SLC8A3: variants seen among roughly 807,000 people sequenced by gnomAD.
SLC8A3 encodes the protein sodium/calcium exchanger 3.
In SLC8A3, 37 loss-of-function variants were observed where a neutral mutation model predicts 65.4. The ratio of observed to expected loss-of-function variants is 0.57; its 90% confidence interval spans 0.44 to 0.74. SLC8A3 has a LOEUF of 0.74. SLC8A3 is among the 30% of genes least tolerant of loss of function. The pLI is 0.00. For missense variants in SLC8A3, 1,112 were observed against 1,172.1 expected, an observed-to-expected ratio of 0.95 and a Z score of 0.75; for synonymous variants, 461 against 444.5, an observed-to-expected ratio of 1.04 and a Z score of -0.47.
chr14:70,174,898 G>T (rs141102075), intron 1 of SLC8A3, among the ~76,000 whole-genome samples: 1 of 152,132 alleles, frequency 6.6e-6, no homozygotes, highest in African/African-American at 2.4e-5. Flanking sequence ...GCCTCAACCC[G>T]TGTGGGCAGT....
At chr14:70,159,826 C>T (rs1206363500) in intron 2 of SLC8A3, among the ~76,000 whole-genome samples, 3 of 152,170 alleles carry the variant, frequency 2.0e-5, no homozygotes, top group African/African-American at 7.2e-5. Flanking sequence ...GAGACCCATT[C>T]ATTTTTGAAG....
At chr14:70,095,108 T>C (rs1892079542) in intron 2 of SLC8A3, among the ~76,000 whole-genome samples, 2 of 152,236 alleles carry the variant, frequency 1.3e-5, no homozygotes, top group South Asian at 4.1e-4. Context: ...TACAAGGGCT[T>C]GTCACGTGGT....
intron 2 of SLC8A3, among the ~76,000 whole-genome samples, chr14:70,140,938 A>G (rs1447927298): frequency 6.6e-6 from 1 of 152,226 alleles, no homozygotes. Context: ...ACTTCTCTGG[A>G]TGCTTTATAG....
intron 2 of SLC8A3, among the ~76,000 whole-genome samples, chr14:70,161,393 C>G (rs971581005): frequency 1.3e-5 from 2 of 150,576 alleles, no homozygotes; most frequent in African/African-American, 4.9e-5. Flanking sequence ...ACTGGAAATG[C>G]CTCACTGTAC....
chr14:70,178,229 A>T (rs1182930554), intron 1 of SLC8A3, among the ~76,000 whole-genome samples: 1 of 152,208 alleles, frequency 6.6e-6, no homozygotes, highest in African/African-American at 2.4e-5. Flanking sequence ...ACTTCCTGTA[A>T]CTGTGGGACA....
At chr14:70,103,382 A>G (rs1892657522) in intron 2 of SLC8A3, among the ~76,000 whole-genome samples, 1 of 152,094 alleles carries the variant, frequency 6.6e-6, no homozygotes, top group South Asian at 2.1e-4. Context: ...GTAGGTAAGA[A>G]TAAAATGTTA....
intron 2 of SLC8A3, among the ~76,000 whole-genome samples, chr14:70,115,228 G>C (rs1195727628): frequency 1.3e-5 from 2 of 152,108 alleles, no homozygotes; most frequent in African/African-American, 2.4e-5. Context: ...CTTGGCACTC[G>C]ATGTGCTTTC....
Position 70,060,932 on chromosome 14 carries a change from T to C in SLC8A3, c.1792A>G (p.Ile598Val). 1.4e-6 allele frequency: 2 copies of C among 1,458,604 alleles called. No individual in the cohort carries two copies. Among genetic ancestry groups the C allele is most frequent in the Non-Finnish European group, 9.2e-7 (1 of 1,081,536 alleles). The allele number at this position is 1,458,604 out of a possible 1,614,324, so 90.4% of individuals were successfully genotyped here. Reference sequence around the variant, plus strand: ...TCCTCATCTACTATTTTAACCCTTATGGTTTTCCTGTAGGGACAACAAGAG... The same window carrying C: ...TCCTCATCTACTATTTTAACCCTTACGGTTTTCCTGTAGGGACAACAAGAG... ...EFKNDETVKT[I>V]RVKIVDEEEY... The change falls in exon 3 of 7, where the codon ATA becomes GTA. Residue 598 changes from isoleucine (I) to valine (V), a missense_variant. Ile to Val is a conservative substitution (Grantham distance 29, BLOSUM62 3). Transcript: ENST00000356921.
At chr14:70,107,616 C>A (rs1229724153) in intron 2 of SLC8A3, among the ~76,000 whole-genome samples, 1 of 152,138 alleles carries the variant, frequency 6.6e-6, no homozygotes, top group Admixed American at 6.5e-5. Flanking sequence ...ACAATCACAG[C>A]AGCTCAAAGG....
chr14:70,157,718 C>A (rs953169847), intron 2 of SLC8A3, among the ~76,000 whole-genome samples: 24 of 152,200 alleles, frequency 1.6e-4, no homozygotes, highest in African/African-American at 5.1e-4. Flanking sequence ...CAATGGCTTT[C>A]TGATGCCAGT....
intron 2 of SLC8A3, among the ~76,000 whole-genome samples, chr14:70,124,286 A>G (rs1290127645): frequency 6.6e-6 from 1 of 152,230 alleles, no homozygotes; most frequent in Admixed American, 6.5e-5. Context: ...CTCTAAATCC[A>G]GTGACCACCC....
chr14:70,159,410 C>CAAAAAAA (rs5809471), intron 2 of SLC8A3, among the ~76,000 whole-genome samples: 4 of 133,708 alleles, frequency 3.0e-5, no homozygotes, highest in Admixed American at 7.5e-5. Flanking sequence ...AAGACTCTGT[C>CAAAAAAA]AAAAAAAAAA....
At chr14:70,085,474 C>T (rs546397606) in intron 2 of SLC8A3, among the ~76,000 whole-genome samples, 2 of 152,230 alleles carry the variant, frequency 1.3e-5, no homozygotes, top group Admixed American at 6.5e-5. Flanking sequence ...TAATGTGATG[C>T]CCCAAGGCCC....
intron 2 of SLC8A3, among the ~76,000 whole-genome samples, chr14:70,143,171 T>C (rs541543695): frequency 1.3e-5 from 2 of 152,328 alleles, no homozygotes; most frequent in South Asian, 4.1e-4. Flanking sequence ...TCCTTTCATA[T>C]GGCTGTTGCC....
intron 1 of SLC8A3, among the ~76,000 whole-genome samples, chr14:70,170,473 G>A (rs769084227): frequency 1.3e-5 from 2 of 152,192 alleles, no homozygotes; most frequent in Non-Finnish European, 2.9e-5. Context: ...TGTCTCTTCT[G>A]TTTATCATGG....
chr14:70,180,272 T>C (rs1882633099), intron 1 of SLC8A3, among the ~76,000 whole-genome samples: 1 of 152,252 alleles, frequency 6.6e-6, no homozygotes, highest in Non-Finnish European at 1.5e-5. Context: ...TATTTTAATT[T>C]TTTAAATGTT....
chr14:70,184,540 T>G (rs371208709), intron 1 of SLC8A3, among the ~76,000 whole-genome samples: 11 of 152,200 alleles, frequency 7.2e-5, no homozygotes, highest in African/African-American at 2.7e-4. Context: ...TCCTCTCCTC[T>G]TTTCTTTCAC....
rs373933717 is a variant in SLC8A3, at chr14:70,060,899, C to T, written c.1825G>A (p.Glu609Lys). 5.2e-6 allele frequency: 8 copies of T among 1,524,198 alleles called. No homozygotes were observed. Among genetic ancestry groups the T allele is most frequent in the East Asian group, 4.5e-5 (2 of 44,492 alleles). 94.4% of individuals were successfully genotyped at this position (1,524,198 alleles called of 1,614,324 possible). A position where few individuals can be genotyped will look rare whatever the true frequency, so the allele number is the denominator to read the frequency against. ...GCAATGAAGAAATTCTCTTGCCTTT[C>T]GTATTCCTCCTCATCTACTATTTTA... is the stretch of plus-strand genomic sequence containing the variant. Reference protein sequence around the residue: ...RVKIVDEEEYERQENFFIALG... With the variant: ...RVKIVDEEEYKRQENFFIALG... The change falls in exon 3 of 7, where the codon GAA becomes AAA. Residue 609 changes from glutamate (E) to lysine (K), a missense_variant. Coordinates refer to ENST00000356921, the MANE Select transcript of SLC8A3 (RefSeq NM_182932.3).
At position 70,046,433 on chromosome 14, in the gene SLC8A3, G is replaced by T; in HGVS notation, c.2390-110C>A. On this transcript the variant is annotated intron_variant, in intron 6 of 6. Transcript: ENST00000356921. This position sits in a 1 kb window ranked among gnomAD's most constrained non-coding sequence, Gnocchi z 4.2. ...GAGCTGGTGGGCTGAACCCAGGAAT[G>T]AGAGACAAGGGCTAGGGGGCCACTC... 8.7e-7 allele frequency: 1 copy of T among 1,143,704 alleles called. No individual in the cohort carries two copies. Among genetic ancestry groups the T allele is most frequent in the African/African-American group, 1.5e-5 (1 of 64,840 alleles). 70.8% of individuals were successfully genotyped at this position (1,143,704 alleles called of 1,614,324 possible).
Sources: allele counts gnomAD v4.1 joint callset (sites outside exome capture counted in the v4.1 genomes callset), GRCh38; gene constraint gnomAD v4.1.1; non-coding constraint Gnocchi (gnomAD v3.1); transcripts MANE v1.5; gene names NCBI Gene and HGNC (gene_info 2026-07-23, HGNC 2026-07-21).